The following EGFLAM variants were observed in gnomAD, a reference collection of about 807,000 sequenced individuals.
The protein encoded by EGFLAM is EGF like, fibronectin type III and laminin G domains.
In EGFLAM, 79 loss-of-function variants were observed where a neutral mutation model predicts 113.1. The observed-to-expected ratio is 0.70, with a 90% CI of 0.58 to 0.84. EGFLAM has a LOEUF of 0.84. EGFLAM is among the 40% of genes least tolerant of loss of function. The pLI is 0.00. For synonymous variants in EGFLAM, 504 were observed against 487.6 expected, an observed-to-expected ratio of 1.03 and a Z score of -0.44; for missense variants, 1,265 against 1,291.6, an observed-to-expected ratio of 0.98 and a Z score of 0.32.
intron 12 of EGFLAM, among the ~76,000 whole-genome samples, chr5:38,419,317 T>C (rs1741754704): frequency 6.6e-6 from 1 of 152,224 alleles, no homozygotes; most frequent in African/African-American, 2.4e-5. Flanking sequence ...ATCAGGACTC[T>C]GGGTCGATAT....
Position 38,379,313 on chromosome 5 carries a change from GA to G in EGFLAM, c.712+8858del, listed in dbSNP as rs577407592. Among the ~76,000 whole-genome samples, 17 of 152,066 alleles carry G rather than the reference GA, an allele frequency of 1.1e-4. No individual in the cohort carries two copies. In the South Asian group the frequency reaches 2.7e-3, roughly 24 times the overall value. On this transcript the variant is annotated intron_variant, in intron 6 of 21. Coordinates refer to ENST00000322350, the MANE Select transcript of EGFLAM (RefSeq NM_152403.4). ...TGTATATGCACAGGGGGCATCCAAGGAAAAAAAGTGAATACCCCCAAACCCA... is the reference window on the plus strand; with the variant it reads ...TGTATATGCACAGGGGGCATCCAAGGAAAAAAGTGAATACCCCCAAACCCA...
At chr5:38,272,387 A>G (rs1335496893) in intron 1 of EGFLAM, among the ~76,000 whole-genome samples, 1 of 152,226 alleles carries the variant, frequency 6.6e-6, no homozygotes. Flanking sequence ...CTTTAAAACC[A>G]AAGGAAAGAG....
At chr5:38,416,344 G>T (rs1270945661) in intron 11 of EGFLAM, among the ~76,000 whole-genome samples, 2 of 152,236 alleles carry the variant, frequency 1.3e-5, no homozygotes, top group South Asian at 4.1e-4. Context: ...ATATCAGCAA[G>T]AGTGAGATCT....
intron 6 of EGFLAM, among the ~76,000 whole-genome samples, chr5:38,378,406 C>T (rs1436992880): frequency 6.6e-6 from 1 of 152,194 alleles, no homozygotes; most frequent in Non-Finnish European, 1.5e-5. Flanking sequence ...CATAGAGCCA[C>T]AGAATAGATT....
At chr5:38,419,173 A>G (rs1741751049) in intron 12 of EGFLAM, among the ~76,000 whole-genome samples, 1 of 152,186 alleles carries the variant, frequency 6.6e-6, no homozygotes, top group Non-Finnish European at 1.5e-5. Flanking sequence ...GGACTGGATT[A>G]GGTCCCCACT....
At chr5:38,269,837 C>G (rs1440953603) in intron 1 of EGFLAM, among the ~76,000 whole-genome samples, 2 of 152,198 alleles carry the variant, frequency 1.3e-5, no homozygotes, top group Non-Finnish European at 2.9e-5. Flanking sequence ...CTCATTTGAT[C>G]TTTGCAATCC....
chr5:38,410,491 G>C (rs1379401853), intron 10 of EGFLAM, among the ~76,000 whole-genome samples: 2 of 152,188 alleles, frequency 1.3e-5, no homozygotes. Flanking sequence ...TGAGGATCTC[G>C]AGACAAAGGG....
At chr5:38,277,232 A>T (rs1757906440) in intron 1 of EGFLAM, among the ~76,000 whole-genome samples, 1 of 152,218 alleles carries the variant, frequency 6.6e-6, no homozygotes, top group African/African-American at 2.4e-5. Flanking sequence ...TGTAGGATTC[A>T]TCCCTGGGAT....
intron 11 of EGFLAM, 78 bp downstream of exon 11, chr5:38,412,726 G>A: frequency 1.3e-6 from 2 of 1,537,384 alleles, no homozygotes; most frequent in Non-Finnish European, 8.7e-7. Context: ...ACTGCAGAGA[G>A]CCGTGGCAGA....
chr5:38,424,217 G>C (rs150743158), intron 12 of EGFLAM, among the ~76,000 whole-genome samples: 4 of 152,342 alleles, frequency 2.6e-5, no homozygotes, highest in African/African-American at 7.2e-5. Context: ...GTTTTCCTCT[G>C]ATGACCTGCA....
chr5:38,378,280 G>C (rs1740417240), intron 6 of EGFLAM, among the ~76,000 whole-genome samples: 1 of 152,144 alleles, frequency 6.6e-6, no homozygotes, highest in African/African-American at 2.4e-5. Context: ...ATAAGTGTCT[G>C]TGTGTGAGTC....
At chr5:38,316,959 T>C (rs1738609392) in intron 1 of EGFLAM, among the ~76,000 whole-genome samples, 1 of 152,176 alleles carries the variant, frequency 6.6e-6, no homozygotes, top group African/African-American at 2.4e-5. Flanking sequence ...TGCCAGCAAT[T>C]ACTGCCCCAT....
intron 6 of EGFLAM, among the ~76,000 whole-genome samples, chr5:38,391,055 A>C (rs1055212734): frequency 6.6e-6 from 1 of 152,094 alleles, no homozygotes; most frequent in South Asian, 2.1e-4. Flanking sequence ...GCTAAAAACA[A>C]CTTCTTTTTT....
intron 1 of EGFLAM, among the ~76,000 whole-genome samples, chr5:38,314,047 A>C (rs183678471): frequency 5.7e-4 from 87 of 152,360 alleles, no homozygotes; most frequent in African/African-American, 1.9e-3. Flanking sequence ...GAAAAACTTA[A>C]AAGTAATTAT....
chr5:38,351,182 C>T (rs1037192697), intron 4 of EGFLAM, among the ~76,000 whole-genome samples: 1 of 150,542 alleles, frequency 6.6e-6, no homozygotes, highest in Non-Finnish European at 1.5e-5. Flanking sequence ...GACCTTGGCT[C>T]ACTGCAACCT....
intron 5 of EGFLAM, among the ~76,000 whole-genome samples, chr5:38,365,742 C>G (rs1043479854): frequency 1.3e-5 from 2 of 152,054 alleles, no homozygotes; most frequent in African/African-American, 4.8e-5. Flanking sequence ...CTTTTTTCAG[C>G]TTTGTATTCA....
At chr5:38,463,604 T>C (rs571887476) in intron 21 of EGFLAM, among the ~76,000 whole-genome samples, 3 of 152,316 alleles carry the variant, frequency 2.0e-5, no homozygotes, top group Non-Finnish European at 2.9e-5. Context: ...TTTATAGCTT[T>C]TGATTGTGTA....
intron 5 of EGFLAM, among the ~76,000 whole-genome samples, chr5:38,360,523 A>G (rs1579819449): frequency 6.6e-6 from 1 of 152,314 alleles, no homozygotes; most frequent in East Asian, 1.9e-4. Context: ...CGTAACACAC[A>G]GGCTCTGGGC....
intron 6 of EGFLAM, among the ~76,000 whole-genome samples, chr5:38,396,984 T>C (rs1740978302): frequency 1.3e-5 from 2 of 152,158 alleles, no homozygotes; most frequent in African/African-American, 4.8e-5. Context: ...CTGGCTTATG[T>C]ACTTCAAAAG....
Sources: allele counts gnomAD v4.1 joint callset (sites outside exome capture counted in the v4.1 genomes callset), GRCh38; gene constraint gnomAD v4.1.1; transcripts MANE v1.5; gene names NCBI Gene and HGNC (gene_info 2026-07-23, HGNC 2026-07-21).